Variants in PI4KA observed in about 807,000 individuals in gnomAD.
PI4KA encodes the protein PI4-kinase alpha.
In PI4KA, 122 loss-of-function variants were observed where a neutral mutation model predicts 271.4. The ratio of observed to expected loss-of-function variants is 0.45; its 90% CI spans 0.39 to 0.52. The LOEUF is 0.52. Ranked by LOEUF, PI4KA falls within the 20% of genes least tolerant of loss-of-function variation. The probability of loss-of-function intolerance (pLI) is 0.00; values close to 1 mark genes in which losing one functional copy is unlikely to be tolerated. For synonymous variants in PI4KA, 1,041 were observed against 1,078.8 expected (o/e 0.96, Z 0.69); for missense variants, 1,969 against 2,769.1 (o/e 0.71, Z 6.48).
intron 40 of PI4KA, 142 bp from the exon 41 acceptor site, chr22:20,727,539 T>A (rs373601493): frequency 1.2e-6 from 1 of 832,414 alleles, no homozygotes; most frequent in East Asian, 2.7e-5. Flanking sequence ...TTCTGATGTG[T>A]TATGGAAAAC....
chr22:20,814,766 T>C (rs565312700), intron 7 of PI4KA, among the ~76,000 whole-genome samples: 1 of 146,746 alleles, frequency 6.8e-6, no homozygotes, highest in East Asian at 2.0e-4. Context: ...AAAAATGACA[T>C]AGCAAATTTT....
At chr22:20,745,559 A>C (rs1175716060) in intron 29 of PI4KA, among the ~76,000 whole-genome samples, 1 of 152,164 alleles carries the variant, frequency 6.6e-6, no homozygotes, top group Non-Finnish European at 1.5e-5. Flanking sequence ...AAATATAAAC[A>C]AGAACAAAAA....
intron 32 of PI4KA, among the ~76,000 whole-genome samples, chr22:20,736,049 CAAGA>C (rs1188796843): frequency 2.0e-5 from 3 of 152,000 alleles, no homozygotes; most frequent in Admixed American, 2.0e-4. Flanking sequence ...CCACAGACAA[CAAGA>C]AATAAGCTAC....
chr22:20,784,197 A>G, intron 19 of PI4KA: 1 of 1,614,184 alleles, frequency 6.2e-7, no homozygotes, highest in Non-Finnish European at 8.5e-7. Context: ...CTCGAAGCGC[A>G]ACTGACACCC....
chr22:20,839,977 ATTAATGAGT>A (rs892752007), intron 1 of PI4KA, among the ~76,000 whole-genome samples: 2 of 152,232 alleles, frequency 1.3e-5, no homozygotes, highest in Admixed American at 1.3e-4. Context: ...AAGAATGCTG[ATTAATGAGT>A]CAATCACTGA....
chr22:20,715,756 G>A (rs1458850911), intron 45 of PI4KA, among the ~76,000 whole-genome samples: 1 of 152,094 alleles, frequency 6.6e-6, no homozygotes, highest in African/African-American at 2.4e-5. Flanking sequence ...ATTAAGGCAT[G>A]AGCCACCGCG....
chr22:20,723,518 G>A (rs1450301419), intron 42 of PI4KA, among the ~76,000 whole-genome samples: 2 of 144,908 alleles, frequency 1.4e-5, no homozygotes, highest in African/African-American at 2.6e-5. Flanking sequence ...ACCAACATGG[G>A]GAAACCTCAT....
intron 3 of PI4KA, among the ~76,000 whole-genome samples, chr22:20,828,642 C>T (rs1333185461): frequency 1.3e-5 from 2 of 151,926 alleles, no homozygotes; most frequent in Non-Finnish European, 2.9e-5. Context: ...GCAACCTCTG[C>T]CTCCCGGGTT....
In PI4KA at chr22:20,726,541, C is replaced by T; in HGVS notation, c.4942G>A (p.Asp1648Asn). ...TGGGGGATGTAGAAGAGGATGGCGT[C>T]CTGTGGAGGTGGAGCAGAGTTGGCC... The part of the protein sequence containing the change: ...GVKVLRSFPP[D>N]AILFYIPQIV... The change falls in exon 42 of 55, where the codon GAC becomes AAC. Residue 1648 changes from aspartate (D) to asparagine (N), a missense_variant and splice_region_variant. By Grantham distance (23) the Asp-to-Asn change is conservative. Coordinates refer to ENST00000255882, the MANE Select transcript of PI4KA (RefSeq NM_058004.4). 6.3e-7 allele frequency: 1 copy of T among 1,585,688 alleles called. No homozygotes were observed. Among genetic ancestry groups the T allele is most frequent in the Non-Finnish European group, 8.6e-7 (1 of 1,168,232 alleles).
intron 37 of PI4KA, 76 bp from the exon 38 acceptor site, chr22:20,729,787 GC>G: frequency 6.3e-7 from 1 of 1,577,670 alleles, no homozygotes; most frequent in Non-Finnish European, 8.7e-7. Context: ...CCTAGAGGAA[GC>G]TTGCAGTGCT....
intron 1 of PI4KA, among the ~76,000 whole-genome samples, chr22:20,848,034 T>C (rs1926485460): frequency 6.6e-6 from 1 of 151,944 alleles, no homozygotes; most frequent in Non-Finnish European, 1.5e-5. Context: ...GGTCAAGAGT[T>C]CGAGACCAGC....
rs1326500851 is a variant in PI4KA at position 20,802,077 on chromosome 22, C to T, written c.1620G>A (p.Val540=). 6.2e-7 allele frequency: 1 copy of T among 1,613,922 alleles called. No individual in the cohort carries two copies. Among genetic ancestry groups the T allele is most frequent in the South Asian group, 1.1e-5 (1 of 91,062 alleles). Residue 540 remains valine, a synonymous_variant, in exon 14 of 55, where the codon GTG becomes GTA. Coordinates refer to ENST00000255882, the MANE Select transcript of PI4KA (RefSeq NM_058004.4). ...TVAGNDIKIS[V]TNEHSESTLN... ...GGGTTGACTCGGAATGCTCATTGGT[C>T]ACACTGATTTTTATATCATTGCCAG...
chr22:20,732,925 T>C (rs755526852), intron 36 of PI4KA, 46 bp downstream of exon 36: 15 of 1,609,414 alleles, frequency 9.3e-6, no homozygotes, highest in Middle Eastern at 2.3e-4. Context: ...GTGGCACCCC[T>C]GTCCTGCCTG....
At chr22:20,708,151 G>C (rs1485602405) in intron 54 of PI4KA, 53 bp from the exon 55 acceptor site, 4 of 1,472,630 alleles carry the variant, frequency 2.7e-6, no homozygotes, top group Non-Finnish European at 3.8e-6. Flanking sequence ...CAGGGTCTGG[G>C]GTCCCTCCCC....
In PI4KA at chr22:20,858,623, C is replaced by T; in HGVS notation, c.103G>A (p.Val35Ile). 4.0e-6 allele frequency: 6 copies of T among 1,488,322 alleles called. No homozygotes were observed. Among genetic ancestry groups the T allele is most frequent in the Non-Finnish European group, 5.3e-6 (6 of 1,125,510 alleles). The allele number at this position is 1,488,322 out of a possible 1,614,324, so 92.2% of individuals were successfully genotyped here. The change falls in exon 1 of 55, where the codon GTC becomes ATC. Residue 35 changes from valine (V) to isoleucine (I), a missense_variant. This residue lies in a region of PI4KA where 540 missense variants were observed against 555.5 expected (regional missense o/e 0.97). Transcript: ENST00000255882. ...SASRGFYFNT[V>I]LSLARSLAVQ... is the part of the protein sequence containing the mutation. ...GCCAGGGAGCGGGCCAGTGACAGGA[C>T]CGTGTTGAAATAGAAGCCCCGCGAG...
chr22:20,762,833 T>C (rs1932111199), intron 22 of PI4KA, among the ~76,000 whole-genome samples: 1 of 152,160 alleles, frequency 6.6e-6, no homozygotes, highest in South Asian at 2.1e-4. Context: ...TGCAAGATTT[T>C]GTATAAATGT....
chr22:20,764,663 T>C (rs1017843092), intron 22 of PI4KA, 154 bp downstream of exon 22: 5 of 666,250 alleles, frequency 7.5e-6, no homozygotes, highest in Non-Finnish European at 1.2e-5. Flanking sequence ...AGGAGGGGCA[T>C]ACGAGAAAAG....
chr22:20,754,196 T>C (rs557254733), intron 23 of PI4KA, among the ~76,000 whole-genome samples: 118 of 152,238 alleles, frequency 7.8e-4, no homozygotes, highest in African/African-American at 2.7e-3. Context: ...CAAGGGATCC[T>C]CCCACCTCAG....
In PI4KA at chr22:20,811,877, G is replaced by A. The variant is rs142193221; in HGVS notation, c.1006-845C>T. 4.4e-3 allele frequency among the ~76,000 whole-genome samples: 666 copies of A among 151,986 alleles called. 5 individuals are homozygous for A. The highest frequency in any genetic ancestry group is 6.8e-3 in the Middle Eastern group (2 of 294). ...AAATACAAAAACTTAGCCGGGCGTG[G>A]TGGTGGTCACCTGGAGTCCCAGCTA... On this transcript the variant is annotated intron_variant, in intron 8 of 54. Coordinates refer to ENST00000255882, the MANE Select transcript of PI4KA (RefSeq NM_058004.4).
Sources: gnomAD v4.1 joint callset for allele counts (sites outside exome capture counted in the v4.1 genomes callset) on GRCh38, gnomAD v4.1.1 for gene constraint, gnomAD v4.1.1 regional missense constraint, MANE v1.5 for transcripts, NCBI Gene and HGNC (gene_info 2026-07-23, HGNC 2026-07-21) for gene names.